The following GFRA1 variants were observed in gnomAD, a reference collection of about 807,000 sequenced individuals.
The protein encoded by GFRA1 is GDNF family receptor alpha 1.
GFRA1 carries 16 observed loss-of-function variants against 51.6 expected under a neutral mutation model. The observed-to-expected ratio is 0.31, with a 90% CI of 0.21 to 0.47. GFRA1 has a LOEUF of 0.47. Ranked by LOEUF, GFRA1 falls within the 20% of genes least tolerant of loss-of-function variation. The probability of loss-of-function intolerance (pLI) is 1.00; values close to 1 mark genes in which losing one functional copy is unlikely to be tolerated. For synonymous variants in GFRA1, 270 were observed against 241.3 expected (o/e 1.12, Z -1.10); for missense variants, 530 against 594.3 (o/e 0.89, Z 1.13).
intron 4 of GFRA1, among the ~76,000 whole-genome samples, chr10:116,244,147 C>A (rs1307381246): frequency 6.6e-6 from 1 of 151,814 alleles, no homozygotes; most frequent in Non-Finnish European, 1.5e-5. Context: ...CCTACATGAA[C>A]AAGATATGGG....
chr10:116,202,104 A>G (rs11197581), intron 5 of GFRA1, among the ~76,000 whole-genome samples: 32,809 of 152,076 alleles, frequency 0.22, 3,609 homozygotes, highest in South Asian at 0.27. Context: ...CTATGTGCTC[A>G]ACACTGCACT....
chr10:116,147,249 G>A (rs1292662050), intron 5 of GFRA1, among the ~76,000 whole-genome samples: 1 of 152,148 alleles, frequency 6.6e-6, no homozygotes, highest in Non-Finnish European at 1.5e-5. Flanking sequence ...AAATCTCCTG[G>A]GGAACAGCTA....
chr10:116,203,653 A>G (rs1041034666), intron 5 of GFRA1, among the ~76,000 whole-genome samples: 8 of 152,182 alleles, frequency 5.3e-5, no homozygotes, highest in African/African-American at 1.9e-4. Context: ...CAAGCAGGAG[A>G]TTCCCAGAAG....
chr10:116,256,574 A>G (rs1430668193), intron 4 of GFRA1, among the ~76,000 whole-genome samples: 1 of 151,968 alleles, frequency 6.6e-6, no homozygotes, highest in East Asian at 1.9e-4. Context: ...CTGCATAGGC[A>G]CTCCCAGCCC....
chr10:116,250,069 G>A (rs1280166740), intron 4 of GFRA1, among the ~76,000 whole-genome samples: 3 of 152,152 alleles, frequency 2.0e-5, no homozygotes, highest in African/African-American at 7.2e-5. Context: ...AAGGGCAAAG[G>A]CTTTGAGGCA....
intron 4 of GFRA1, among the ~76,000 whole-genome samples, chr10:116,228,527 G>A (rs546803682): frequency 4.8e-4 from 73 of 152,174 alleles, no homozygotes; most frequent in Non-Finnish European, 9.7e-4. Flanking sequence ...TAAGGATCTG[G>A]AGATGAGGAT....
intron 4 of GFRA1, among the ~76,000 whole-genome samples, chr10:116,241,110 T>A (rs777065769): frequency 1.8e-4 from 27 of 150,136 alleles, no homozygotes; most frequent in Non-Finnish European, 3.1e-4. Context: ...ACATAGTGGA[T>A]AATTTAGAAT....
chr10:116,095,135 C>G (rs954699491), intron 7 of GFRA1, among the ~76,000 whole-genome samples: 1 of 152,192 alleles, frequency 6.6e-6, no homozygotes, highest in African/African-American at 2.4e-5. Flanking sequence ...GCCTTGGCCC[C>G]TCATAAAGAG....
At chr10:116,124,377 C>T (rs1341621281) in intron 6 of GFRA1, among the ~76,000 whole-genome samples, 2 of 151,746 alleles carry the variant, frequency 1.3e-5, no homozygotes, top group Non-Finnish European at 2.9e-5. Context: ...TTACAGGCGC[C>T]TGCCACCATG....
At chr10:116,227,943 G>A (rs1187935005) in intron 4 of GFRA1, among the ~76,000 whole-genome samples, 3 of 152,202 alleles carry the variant, frequency 2.0e-5, no homozygotes, top group African/African-American at 7.2e-5. Context: ...AGGCTATCAA[G>A]TTATTTTAAA....
chr10:116,151,878 G>T (rs1959077306), intron 5 of GFRA1, among the ~76,000 whole-genome samples: 1 of 152,190 alleles, frequency 6.6e-6, no homozygotes, highest in African/African-American at 2.4e-5. Context: ...ATTTTATGGA[G>T]GAAATAATAT....
intron 5 of GFRA1, among the ~76,000 whole-genome samples, chr10:116,163,167 T>C (rs544743691): frequency 1.3e-3 from 192 of 152,294 alleles, no homozygotes; most frequent in Non-Finnish European, 2.2e-3. Flanking sequence ...CTAGTTATTC[T>C]CTGGCTCTAA....
chr10:116,074,898 T>C (rs1274795785), intron 9 of GFRA1, among the ~76,000 whole-genome samples: 1 of 152,182 alleles, frequency 6.6e-6, no homozygotes, highest in Admixed American at 6.5e-5. Flanking sequence ...GTAGGGGATA[T>C]AAGAAATTGG....
intron 4 of GFRA1, among the ~76,000 whole-genome samples, chr10:116,228,426 C>A (rs147394932): frequency 6.6e-6 from 1 of 152,148 alleles, no homozygotes; most frequent in Admixed American, 6.5e-5. Flanking sequence ...CAGACCAATG[C>A]CCCCTGCCCA....
At chr10:116,123,783 G>A (rs1957741747) in intron 6 of GFRA1, among the ~76,000 whole-genome samples, 1 of 152,136 alleles carries the variant, frequency 6.6e-6, no homozygotes, top group African/African-American at 2.4e-5. Flanking sequence ...ACTAAGTTCT[G>A]GGAAGGACAC....
chr10:116,165,169 T>C (rs1960247560), intron 5 of GFRA1, among the ~76,000 whole-genome samples: 1 of 152,174 alleles, frequency 6.6e-6, no homozygotes, highest in Admixed American at 6.5e-5. Flanking sequence ...TCTTCAGCAA[T>C]TCTATCTTAA....
chr10:116,223,944 A>G (rs1279701767), intron 4 of GFRA1, among the ~76,000 whole-genome samples: 1 of 152,158 alleles, frequency 6.6e-6, no homozygotes, highest in Non-Finnish European at 1.5e-5. Context: ...TTATATATAT[A>G]TATTTCTTCA....
intron 4 of GFRA1, among the ~76,000 whole-genome samples, chr10:116,256,187 T>C (rs1968838603): frequency 6.6e-6 from 1 of 152,192 alleles, no homozygotes; most frequent in Non-Finnish European, 1.5e-5. Flanking sequence ...AGTAACTATT[T>C]ACCTGTGGTC....
At chr10:116,191,585 C>G (rs1430068676) in intron 5 of GFRA1, among the ~76,000 whole-genome samples, 1 of 152,162 alleles carries the variant, frequency 6.6e-6, no homozygotes, top group Non-Finnish European at 1.5e-5. Flanking sequence ...AAAAAAAAAG[C>G]ACAAGCTTTT....
Sources: gnomAD v4.1 joint callset for allele counts (sites outside exome capture counted in the v4.1 genomes callset) on GRCh38, gnomAD v4.1.1 for gene constraint, MANE v1.5 for transcripts, NCBI Gene and HGNC (gene_info 2026-07-23, HGNC 2026-07-21) for gene names.